FAR2: variants seen among roughly 807,000 people sequenced by gnomAD.
The protein encoded by FAR2 is fatty acyl-CoA reductase 2.
Under a neutral mutation model 56.0 loss-of-function variants are expected in FAR2, and 19 were observed. The ratio of observed to expected loss-of-function variants is 0.34; its 90% CI spans 0.24 to 0.50. The LOEUF (loss-of-function observed/expected upper bound fraction) is 0.50, where lower values mean the gene tolerates loss of function less well. FAR2 is among the 20% of genes least tolerant of loss of function. The probability of loss-of-function intolerance (pLI) is 0.98; values close to 1 mark genes in which losing one functional copy is unlikely to be tolerated. For missense variants in FAR2, 508 were observed against 642.2 expected, an observed-to-expected ratio of 0.79 and a Z score of 2.26; for synonymous variants, 219 against 218.8, an observed-to-expected ratio of 1.00 and a Z score of -0.01.
rs182458433 is a variant in FAR2, at chr12:29,254,057, T to C, written c.-38-16355T>C. ...TGGTGTTCTTAAGACCAGCTTTGAC[T>C]ATCTCTCCCCAGCTGGGACCATTTC... On this transcript the variant is annotated intron_variant, in intron 1 of 11. Coordinates refer to ENST00000536681, the MANE Select transcript of FAR2 (RefSeq NM_001271783.2). Among the ~76,000 whole-genome samples the C allele has an allele frequency of 2.9e-3, 437 of 152,346 alleles. 1 individual carries two copies. The highest frequency in any genetic ancestry group is 6.8e-3 in the Middle Eastern group (2 of 294).
intron 1 of FAR2, among the ~76,000 whole-genome samples, chr12:29,251,488 AT>A (rs1471596124): frequency 4.6e-5 from 7 of 152,174 alleles, no homozygotes; most frequent in African/African-American, 1.2e-4. Flanking sequence ...TCCACTCAGA[AT>A]AGGAGGTCAG....
intron 10 of FAR2, 141 bp downstream of exon 10, chr12:29,322,065 C>A: frequency 1.0e-6 from 1 of 953,334 alleles, no homozygotes; most frequent in Non-Finnish European, 1.5e-6. Flanking sequence ...CTAAGAAAAT[C>A]AGTCAATGCT....
chr12:29,232,821 G>A lies in FAR2; in HGVS notation c.-38-37591G>A, dbSNP rs866785507. Among the ~76,000 whole-genome samples the A allele has an allele frequency of 7.9e-4, 116 of 145,948 alleles. 1 individual carries two copies. The South Asian group carries it at 0.015, about 19-fold the overall frequency. On this transcript the variant is annotated intron_variant, in intron 1 of 11. Coordinates refer to ENST00000536681, the MANE Select transcript of FAR2 (RefSeq NM_001271783.2). ...CACACACACACACATACGCGCTCGC[G>A]CACACACACACACACACACACACAC...
chr12:29,212,262 T>C (rs1217629583), intron 1 of FAR2, among the ~76,000 whole-genome samples: 2 of 152,126 alleles, frequency 1.3e-5, no homozygotes, highest in African/African-American at 2.4e-5. Context: ...AAAATGAATA[T>C]GTTCTTTTAG....
At chr12:29,199,818 G>A (rs1947383977) in intron 1 of FAR2, among the ~76,000 whole-genome samples, 1 of 152,152 alleles carries the variant, frequency 6.6e-6, no homozygotes, top group South Asian at 2.1e-4. Flanking sequence ...AGGAGTAAGT[G>A]AGATGGAGAT....
chr12:29,191,919 T>G (rs1950105874), intron 1 of FAR2, among the ~76,000 whole-genome samples: 1 of 152,226 alleles, frequency 6.6e-6, no homozygotes, highest in African/African-American at 2.4e-5. Context: ...AACAATGCTT[T>G]TCAAGGCAAG....
At chr12:29,247,082 G>A (rs551660172) in intron 1 of FAR2, among the ~76,000 whole-genome samples, 37 of 152,162 alleles carry the variant, frequency 2.4e-4, no homozygotes, top group African/African-American at 8.7e-4. Context: ...TATTTCCTAA[G>A]AGACTGCCAA....
Position 29,152,120 on chromosome 12 carries a change from G to A in FAR2, c.-39+2713G>A, listed in dbSNP as rs541694535. ...ATTAGAATTTTCAACTAAAGGTGCA[G>A]AATAACTTCTTGGATCCCAAAGGTA... is the stretch of plus-strand genomic sequence containing the variant. On this transcript the variant is annotated intron_variant, in intron 1 of 11. Transcript: ENST00000536681. 2.0e-5 allele frequency among the ~76,000 whole-genome samples: 3 copies of A among 152,310 alleles called. No homozygotes were observed. The South Asian group carries it at 6.2e-4, about 32-fold the overall frequency.
chr12:29,153,793 T>A (rs191867531), intron 1 of FAR2, among the ~76,000 whole-genome samples: 9 of 152,070 alleles, frequency 5.9e-5, no homozygotes, highest in African/African-American at 2.2e-4. Flanking sequence ...GGTGATAGAT[T>A]GGATATGGGA....
At chr12:29,261,515 A>G (rs560003383) in intron 1 of FAR2, among the ~76,000 whole-genome samples, 16 of 152,350 alleles carry the variant, frequency 1.1e-4, no homozygotes, top group African/African-American at 3.8e-4. Context: ...CAAAGGGATA[A>G]TAACAGAGAA....
At chr12:29,269,220 A>G (rs1315469491) in intron 1 of FAR2, among the ~76,000 whole-genome samples, 1 of 152,122 alleles carries the variant, frequency 6.6e-6, no homozygotes, top group Non-Finnish European at 1.5e-5. Context: ...GGGGCCGTTC[A>G]TAGGCCTATA....
At chr12:29,171,118 C>T (rs900695397) in intron 1 of FAR2, among the ~76,000 whole-genome samples, 1 of 152,204 alleles carries the variant, frequency 6.6e-6, no homozygotes, top group African/African-American at 2.4e-5. Context: ...TGGTAACAGA[C>T]CTTGAGGACA....
intron 10 of FAR2, among the ~76,000 whole-genome samples, chr12:29,323,517 A>G (rs994713788): frequency 2.6e-5 from 4 of 152,196 alleles, no homozygotes; most frequent in African/African-American, 9.7e-5. Flanking sequence ...GGACTGACAC[A>G]TCACACGGCC....
chr12:29,325,205 CTAAA>C (rs1332656976), intron 10 of FAR2, among the ~76,000 whole-genome samples: 2 of 152,130 alleles, frequency 1.3e-5, no homozygotes, highest in African/African-American at 4.8e-5. Context: ...GCTAACTATC[CTAAA>C]TATATATGCA....
At chr12:29,178,634 G>A (rs1949962301) in intron 1 of FAR2, among the ~76,000 whole-genome samples, 1 of 152,178 alleles carries the variant, frequency 6.6e-6, no homozygotes, top group Non-Finnish European at 1.5e-5. Flanking sequence ...TCAAAAAGGG[G>A]CCCAGGACGG....
chr12:29,293,087 G>A lies in FAR2; in HGVS notation c.190-213G>A, dbSNP rs988911791. The A allele has an allele frequency of 8.0e-6, 3 of 374,714 alleles. No individual in the cohort carries two copies. The Admixed American group carries it at 1.4e-4, about 18-fold the overall frequency. 23.2% of individuals were successfully genotyped at this position (374,714 alleles called of 1,614,324 possible). On this transcript the variant is annotated intron_variant, in intron 2 of 11. Coordinates refer to ENST00000536681, the MANE Select transcript of FAR2 (RefSeq NM_001271783.2). ...TTACCATGTTGCGCAGGCTGGTGTCGAACTCCTGGGCTCAAGTGATCTCCC... is the reference window on the plus strand; with the variant it reads ...TTACCATGTTGCGCAGGCTGGTGTCAAACTCCTGGGCTCAAGTGATCTCCC...
chr12:29,328,109 C>T (rs1427350024), intron 10 of FAR2, among the ~76,000 whole-genome samples: 3 of 152,180 alleles, frequency 2.0e-5, no homozygotes, highest in Non-Finnish European at 2.9e-5. Context: ...TGAACAGACA[C>T]TTCTCAAAAG....
intron 2 of FAR2, among the ~76,000 whole-genome samples, chr12:29,278,731 T>C (rs1948739504): frequency 6.6e-6 from 1 of 152,162 alleles, no homozygotes; most frequent in Non-Finnish European, 1.5e-5. Context: ...GGTGGGTAGA[T>C]GAGACTGATT....
intron 1 of FAR2, among the ~76,000 whole-genome samples, chr12:29,239,452 C>CTGTGTGTG (rs34821915): frequency 0.056 from 8,319 of 147,858 alleles, 290 homozygotes; most frequent in African/African-American, 0.094. Context: ...AATGAATCAA[C>CTGTGTGTG]TGTGTGTGTG....
Sources: allele counts gnomAD v4.1 joint callset (sites outside exome capture counted in the v4.1 genomes callset), GRCh38; gene constraint gnomAD v4.1.1; transcripts MANE v1.5; gene names NCBI Gene and HGNC (gene_info 2026-07-23, HGNC 2026-07-21).